RBFOX1: variants seen among roughly 807,000 people sequenced by gnomAD.
RBFOX1 encodes the protein RNA binding fox-1 homolog 1, also known as RNA binding protein fox-1 homolog 1.
Under a neutral mutation model 57.7 loss-of-function variants are expected in RBFOX1, and 8 were observed. That is an observed-to-expected ratio of 0.14 (90% CI 0.08 to 0.25). The LOEUF (loss-of-function observed/expected upper bound fraction) is 0.25, where lower values mean the gene tolerates loss of function less well. RBFOX1 is among the 10% of genes least tolerant of loss of function. The pLI, the probability that RBFOX1 is intolerant of heterozygous loss-of-function variation, is 1.00. For synonymous variants in RBFOX1, 326 were observed against 222.4 expected (o/e 1.47, Z -4.15); for missense variants, 611 against 548.5 (o/e 1.11, Z -1.14).
chr16:6,949,007 T>A (rs1474454672), intron 3 of RBFOX1, among the ~76,000 whole-genome samples: 4 of 152,140 alleles, frequency 2.6e-5, no homozygotes, highest in African/African-American at 9.7e-5. Context: ...GAAGGGATTC[T>A]CGATTAAGAA....
chr16:6,157,272 C>T (rs769933453), intron 1 of RBFOX1, among the ~76,000 whole-genome samples: 5 of 152,014 alleles, frequency 3.3e-5, no homozygotes, highest in African/African-American at 7.2e-5. Context: ...ACACAGCAAA[C>T]AGGTGGCCAA....
chr16:5,729,768 C>G (rs927391621), intron 3 of RBFOX1, among the ~76,000 whole-genome samples: 1 of 152,194 alleles, frequency 6.6e-6, no homozygotes, highest in Non-Finnish European at 1.5e-5. Flanking sequence ...AGACACCACT[C>G]TAGCTGGTTT....
At chr16:7,314,207 T>C (rs2142855098) in intron 4 of RBFOX1, among the ~76,000 whole-genome samples, 1 of 152,280 alleles carries the variant, frequency 6.6e-6, no homozygotes, top group Non-Finnish European at 1.5e-5. Flanking sequence ...TCCCCAAATC[T>C]CTGTTGTACT....
intron 3 of RBFOX1, among the ~76,000 whole-genome samples, chr16:7,001,956 T>G (rs551599219): frequency 1.3e-5 from 2 of 152,228 alleles, no homozygotes; most frequent in African/African-American, 2.4e-5. Flanking sequence ...AGTTTCTTCT[T>G]GTGCACACGA....
intron 2 of RBFOX1, among the ~76,000 whole-genome samples, chr16:6,567,145 G>A (rs964913590): frequency 3.3e-5 from 5 of 152,138 alleles, no homozygotes; most frequent in African/African-American, 7.2e-5. Flanking sequence ...TTGGTTTGGG[G>A]ATAATGTTGA....
chr16:6,169,914 G>A (rs895250574), intron 1 of RBFOX1, among the ~76,000 whole-genome samples: 3 of 152,080 alleles, frequency 2.0e-5, no homozygotes, highest in Non-Finnish European at 4.4e-5. Context: ...ACAGGCATGC[G>A]CCACCACACC....
intron 3 of RBFOX1, among the ~76,000 whole-genome samples, chr16:5,774,270 G>C (rs2054074729): frequency 6.6e-6 from 1 of 152,138 alleles, no homozygotes; most frequent in East Asian, 1.9e-4. Flanking sequence ...GAGACCCACA[G>C]ACCAACATTC....
intron 3 of RBFOX1, among the ~76,000 whole-genome samples, chr16:5,829,723 A>T (rs2056198315): frequency 6.6e-6 from 1 of 152,164 alleles, no homozygotes; most frequent in Non-Finnish European, 1.5e-5. Flanking sequence ...TAAATCCTGG[A>T]TCCAATTTAT....
intron 5 of RBFOX1, among the ~76,000 whole-genome samples, chr16:7,576,189 G>C (rs959908098): frequency 6.6e-6 from 1 of 151,784 alleles, no homozygotes; most frequent in African/African-American, 2.4e-5. Context: ...CTGCCAAAGT[G>C]CTGGGATTAC....
chr16:7,265,029 A>G (rs922636141), intron 4 of RBFOX1, among the ~76,000 whole-genome samples: 5 of 152,234 alleles, frequency 3.3e-5, no homozygotes, highest in Non-Finnish European at 7.3e-5. Flanking sequence ...ACTTCAAAGC[A>G]GGCCAGTCCC....
intron 4 of RBFOX1, chr16:7,126,179 CA>C: frequency 6.3e-6 from 1 of 157,574 alleles, no homozygotes; most frequent in Middle Eastern, 3.1e-3. Context: ...CTAACCCACA[CA>C]AAATCCCCAC....
chr16:5,900,763 G>T (rs944748709), intron 4 of RBFOX1, among the ~76,000 whole-genome samples: 1 of 152,162 alleles, frequency 6.6e-6, no homozygotes, highest in African/African-American at 2.4e-5. Context: ...ATGGTGCCAG[G>T]AATGTCAAAT....
intron 1 of RBFOX1, among the ~76,000 whole-genome samples, chr16:5,397,549 A>G (rs1264905595): frequency 6.6e-6 from 1 of 152,176 alleles, no homozygotes; most frequent in Non-Finnish European, 1.5e-5. Flanking sequence ...TGCTAAAGAC[A>G]CTGATTAAAG....
intron 4 of RBFOX1, among the ~76,000 whole-genome samples, chr16:7,322,929 G>A (rs2096564409): frequency 6.6e-6 from 1 of 152,098 alleles, no homozygotes; most frequent in South Asian, 2.1e-4. Context: ...ACTTTCTCTT[G>A]CTTGGGAGGC....
At chr16:5,697,223 C>A (rs1243314880) in intron 3 of RBFOX1, among the ~76,000 whole-genome samples, 2 of 152,002 alleles carry the variant, frequency 1.3e-5, no homozygotes, top group East Asian at 1.9e-4. Flanking sequence ...GGTTGTAGAT[C>A]TTCTTAGATG....
chr16:7,334,069 T>C (rs2096740813), intron 4 of RBFOX1, among the ~76,000 whole-genome samples: 1 of 152,190 alleles, frequency 6.6e-6, no homozygotes, highest in Admixed American at 6.5e-5. Flanking sequence ...AACTATATGA[T>C]ACCCTAGCTC....
At chr16:7,173,484 A>G (rs67098857) in intron 4 of RBFOX1, among the ~76,000 whole-genome samples, 2 of 150,384 alleles carry the variant, frequency 1.3e-5, no homozygotes, top group African/African-American at 2.4e-5. Flanking sequence ...CACGAGTTCC[A>G]TTTGACACTT....
intron 4 of RBFOX1, among the ~76,000 whole-genome samples, chr16:5,981,951 C>T (rs2060182937): frequency 6.6e-6 from 1 of 152,158 alleles, no homozygotes; most frequent in African/African-American, 2.4e-5. Context: ...TATGCAGTCC[C>T]AAAGGTCAGT....
intron 2 of RBFOX1, among the ~76,000 whole-genome samples, chr16:6,432,781 C>G (rs1297092168): frequency 6.6e-6 from 1 of 151,972 alleles, no homozygotes; most frequent in Non-Finnish European, 1.5e-5. Context: ...AGTTCGAGAC[C>G]AGTCTGACTG....
Sources: allele counts gnomAD v4.1 joint callset (sites outside exome capture counted in the v4.1 genomes callset), GRCh38; gene constraint gnomAD v4.1.1; transcripts MANE v1.5; gene names NCBI Gene and HGNC (gene_info 2026-07-23, HGNC 2026-07-21).